MYL10: variants seen among roughly 807,000 people sequenced by gnomAD.
MYL10 encodes the protein myosin light chain 10.
A neutral mutation model predicts 21.9 loss-of-function variants in MYL10; 18 were observed. The observed-to-expected ratio is 0.82, with a 90% confidence interval of 0.57 to 1.22. MYL10 has a LOEUF of 1.22. Among genes scored for constraint, MYL10 ranks in the 50% most tolerant of loss-of-function variants. The pLI is 0.00. For missense variants in MYL10, 225 were observed against 230.4 expected, an observed-to-expected ratio of 0.98 and a Z score of 0.15; for synonymous variants, 88 against 82.8, an observed-to-expected ratio of 1.06 and a Z score of -0.34.
chr7:101,621,223 G>A (rs370089130), intron 5 of MYL10, among the ~76,000 whole-genome samples: 186 of 152,234 alleles, frequency 1.2e-3, no homozygotes, highest in Middle Eastern at 0.01. Flanking sequence ...TGTCTCGGGC[G>A]GGTACAGTGG....
chr7:101,616,443 A>G, intron 5 of MYL10, 145 bp from the exon 6 acceptor site: 2 of 624,654 alleles, frequency 3.2e-6, no homozygotes, highest in Non-Finnish European at 5.8e-6. Context: ...TTCTTCCCCA[A>G]CTTTCACTGC....
chr7:101,614,102 C>T (rs937191632), intron 6 of MYL10, among the ~76,000 whole-genome samples: 3 of 152,206 alleles, frequency 2.0e-5, no homozygotes. Flanking sequence ...CGTTCACTGA[C>T]ACCTGCATAG....
intron 1 of MYL10, among the ~76,000 whole-genome samples, chr7:101,624,888 T>C (rs1796726536): frequency 6.6e-6 from 1 of 152,064 alleles, no homozygotes; most frequent in South Asian, 2.1e-4. Flanking sequence ...CTCAGCTCCC[T>C]GTCACCTCCT....
At position 101,623,922 on chromosome 7, in the gene MYL10, G is replaced by T; in HGVS notation, c.271C>A (p.Gln91Lys). Residue 91 changes from glutamine to lysine, a missense_variant and splice_region_variant, in exon 3 of 8, where the codon CAA becomes AAA. Gln to Lys is a moderately conservative substitution (Grantham distance 53). Coordinates refer to ENST00000223167, the MANE Select transcript of MYL10 (RefSeq NM_138403.5). Reference sequence around the variant, plus strand: ...TGCGTGCCTGCAATCCCACCTACTTGGGAGGCTGAGGCAGGAGAATTGCTT... The same window carrying T: ...TGCGTGCCTGCAATCCCACCTACTTTGGAGGCTGAGGCAGGAGAATTGCTT... ...GSSNSPASASQAFTIMDQNRD... is the reference protein window; with the variant it reads ...GSSNSPASASKAFTIMDQNRD... 2.9e-6 allele frequency: 1 copy of T among 344,514 alleles called. No individual in the cohort carries two copies. The highest frequency in any genetic ancestry group is 3.2e-5 in the South Asian group (1 of 31,294). 21.3% of individuals were successfully genotyped at this position (344,514 alleles called of 1,614,324 possible). A position where few individuals can be genotyped will look rare whatever the true frequency, so the allele number is the denominator to read the frequency against.
chr7:101,628,338 C>A (rs1796770633), intron 1 of MYL10, among the ~76,000 whole-genome samples: 1 of 152,112 alleles, frequency 6.6e-6, no homozygotes, highest in South Asian at 2.1e-4. Flanking sequence ...CTCTTGTAGT[C>A]CCACCTACTC....
At chr7:101,625,026 A>G (rs775590146) in intron 1 of MYL10, among the ~76,000 whole-genome samples, 2 of 152,044 alleles carry the variant, frequency 1.3e-5, no homozygotes, top group Non-Finnish European at 2.9e-5. Flanking sequence ...GACTAAGTGG[A>G]CATCTCAGGG....
chr7:101,624,119 C>T (rs1474778644), intron 2 of MYL10, 53 bp downstream of exon 2: 3 of 1,119,494 alleles, frequency 2.7e-6, no homozygotes, highest in South Asian at 1.3e-5. Context: ...CCTTGAGCAA[C>T]TGGCATGCAT....
At position 101,613,399 on chromosome 7, in the gene MYL10, T is replaced by A. The variant is rs774471811; in HGVS notation, c.*76A>T. The A allele has an allele frequency of 1.7e-5, 21 of 1,255,238 alleles. No individual in the cohort carries two copies. The highest frequency in any genetic ancestry group is 2.2e-5 in the Non-Finnish European group (19 of 859,172). The allele number at this position is 1,255,238 out of a possible 1,614,324, so 77.8% of individuals were successfully genotyped here. A position where few individuals can be genotyped will look rare whatever the true frequency, so the allele number is the denominator to read the frequency against. ...CAAGGGAAGCCTTTTTCCTGCAGCC[T>A]CTGGCTGCAAGAGCTCCCTGTCACA... On this transcript the variant is annotated 3_prime_UTR_variant, in exon 8 of 8. Coordinates refer to ENST00000223167, the MANE Select transcript of MYL10 (RefSeq NM_138403.5).
At position 101,622,240 on chromosome 7, in the gene MYL10, G is replaced by T. The variant is rs1796688966; in HGVS notation, c.350-40C>A. 3 of 1,504,910 alleles carry T rather than the reference G, an allele frequency of 2.0e-6. No homozygotes were observed. In the East Asian group the frequency reaches 6.9e-5, roughly 35 times the overall value. 93.2% of individuals were successfully genotyped at this position (1,504,910 alleles called of 1,614,324 possible). On this transcript the variant is annotated intron_variant, in intron 4 of 7. Transcript: ENST00000223167. Reference sequence around the variant, plus strand: ...AGGTGGGGGCAGGGAGGATAAGAGAGATCAGAGCTTGGGCCTCGGAGGATC... The same window carrying T: ...AGGTGGGGGCAGGGAGGATAAGAGATATCAGAGCTTGGGCCTCGGAGGATC...
chr7:101,625,693 G>T (rs998002069), intron 1 of MYL10, among the ~76,000 whole-genome samples: 1 of 152,172 alleles, frequency 6.6e-6, no homozygotes, highest in African/African-American at 2.4e-5. Flanking sequence ...GGGCTGCCAG[G>T]GCGGCCGGGA....
intron 1 of MYL10, among the ~76,000 whole-genome samples, chr7:101,628,180 G>A (rs748314934): frequency 2.6e-5 from 4 of 152,196 alleles, no homozygotes; most frequent in African/African-American, 4.8e-5. Flanking sequence ...TGGGGTGGGC[G>A]CAGTGGCTCA....
intron 6 of MYL10, among the ~76,000 whole-genome samples, chr7:101,614,793 C>A (rs1289380149): frequency 6.6e-6 from 1 of 152,150 alleles, no homozygotes; most frequent in Non-Finnish European, 1.5e-5. Flanking sequence ...CCACCTCCAC[C>A]CCTGCTGCGT....
intron 1 of MYL10, among the ~76,000 whole-genome samples, chr7:101,628,741 C>T (rs564709128): frequency 6.6e-6 from 1 of 152,344 alleles, no homozygotes; most frequent in South Asian, 2.1e-4. Context: ...GTGCTGGGTT[C>T]AGGCAGTGAG....
chr7:101,615,468 C>T (rs898959717), intron 6 of MYL10, among the ~76,000 whole-genome samples: 9 of 150,838 alleles, frequency 6.0e-5, no homozygotes, highest in Non-Finnish European at 1.3e-4. Context: ...CCCCGCCTGC[C>T]GCTCTGTGCT....
At chr7:101,615,697 C>CTT (rs900024757) in intron 6 of MYL10, among the ~76,000 whole-genome samples, 8,920 of 121,134 alleles carry the variant, frequency 0.074, 1,050 homozygotes, top group East Asian at 0.54. Flanking sequence ...ACCACTTCTT[C>CTT]TTTTTTTTTT....
intron 6 of MYL10, 114 bp downstream of exon 6, chr7:101,616,106 C>G (rs540334974): frequency 1.8e-5 from 14 of 782,482 alleles, no homozygotes; most frequent in Admixed American, 6.5e-5. Context: ...GGCTGGGCAG[C>G]GGCCCCCCAG....
Position 101,624,196 on chromosome 7 carries a change from C to T in MYL10, c.147G>A (p.Gln49=). ...ASSNVFSMFD[Q]SQIQEFKESL... is the part of the protein sequence containing the mutation. ...CCTCTTTAAACTCCTGGATCTGGGA[C>T]TGATCAAACATGGAGAAGACGTTGG... The change falls in exon 2 of 8, where the codon CAG becomes CAA. Residue 49 remains glutamine (Q), a synonymous_variant. Transcript: ENST00000223167. 1 of 1,613,522 alleles carries T rather than the reference C, an allele frequency of 6.2e-7. No homozygotes were observed. Among genetic ancestry groups the T allele is most frequent in the South Asian group, 1.1e-5 (1 of 91,064 alleles).
intron 1 of MYL10, among the ~76,000 whole-genome samples, chr7:101,626,488 G>A (rs904737906): frequency 6.6e-6 from 1 of 152,202 alleles, no homozygotes; most frequent in African/African-American, 2.4e-5. Flanking sequence ...TCTGTGCCGA[G>A]AGGGACTAAC....
intron 4 of MYL10, 80 bp from the exon 5 acceptor site, chr7:101,622,280 C>T: frequency 9.2e-7 from 1 of 1,087,450 alleles, no homozygotes; most frequent in Admixed American, 2.3e-5. Context: ...AAAGCCTCCC[C>T]ACTCAGCTGC....
Sources: allele counts gnomAD v4.1 joint callset (sites outside exome capture counted in the v4.1 genomes callset), GRCh38; gene constraint gnomAD v4.1.1; transcripts MANE v1.5; gene names NCBI Gene and HGNC (gene_info 2026-07-23, HGNC 2026-07-21).